NRXN3: variants seen among roughly 807,000 people sequenced by gnomAD.
NRXN3 encodes neurexin 3, also known as neurexin III.
A neutral mutation model predicts 137.6 loss-of-function variants in NRXN3; 32 were observed. That is an observed-to-expected ratio of 0.23 (90% confidence interval 0.18 to 0.31). NRXN3 has a LOEUF of 0.31. Among genes scored for constraint, NRXN3 ranks in the 10% least tolerant of loss-of-function variants. The pLI, the probability that NRXN3 is intolerant of heterozygous loss-of-function variation, is 1.00. For synonymous variants in NRXN3, 798 were observed against 784.5 expected (o/e 1.02, Z -0.29); for missense variants, 1,574 against 2,062.5 (o/e 0.76, Z 4.59).
chr14:79,453,589 A>G (rs927102015), intron 15 of NRXN3, among the ~76,000 whole-genome samples: 2 of 152,214 alleles, frequency 1.3e-5, no homozygotes, highest in East Asian at 1.9e-4. Context: ...AGTGCATTCT[A>G]TGATGATACA....
intron 15 of NRXN3, among the ~76,000 whole-genome samples, chr14:79,228,052 A>G (rs2071398402): frequency 6.6e-6 from 1 of 152,204 alleles, no homozygotes. Flanking sequence ...TGCATGTTAT[A>G]GAAAGACCTA....
chr14:78,920,222 G>C (rs777078810), intron 10 of NRXN3, among the ~76,000 whole-genome samples: 2 of 152,104 alleles, frequency 1.3e-5, no homozygotes, highest in Non-Finnish European at 2.9e-5. Flanking sequence ...CTGCCACAGT[G>C]GTAGAGGAAA....
chr14:78,702,455 T>TCTTTTTTTTTTTTTTTTTTC (rs1183210602), intron 6 of NRXN3, among the ~76,000 whole-genome samples: 1 of 134,760 alleles, frequency 7.4e-6, no homozygotes, highest in African/African-American at 2.7e-5. Context: ...TCTTTTCTTA[T>TCTTTTTTTTTTTTTTTTTTC]TTTTTTTGAG....
chr14:78,913,274 C>CTTTCTTTCTTTCTTTCTTTCT (rs1225280841), intron 10 of NRXN3, among the ~76,000 whole-genome samples: 1 of 47,852 alleles, frequency 2.1e-5, no homozygotes, highest in African/African-American at 1.0e-4. Context: ...TTCTTTCTTT[C>CTTTCTTTCTTTCTTTCTTTCT]TTTTTTTTTT....
chr14:78,729,087 A>G (rs1327188547), intron 8 of NRXN3, among the ~76,000 whole-genome samples: 3 of 152,240 alleles, frequency 2.0e-5, no homozygotes, highest in East Asian at 1.9e-4. Flanking sequence ...CAAAATGCCT[A>G]TAATTTTGTA....
At chr14:79,675,350 T>A (rs1428859727) in intron 17 of NRXN3, among the ~76,000 whole-genome samples, 1 of 152,118 alleles carries the variant, frequency 6.6e-6, no homozygotes, top group Non-Finnish European at 1.5e-5. Flanking sequence ...AGTCTGCTGT[T>A]ATAATGCAAA....
At chr14:79,156,133 A>G (rs912429251) in intron 15 of NRXN3, among the ~76,000 whole-genome samples, 7 of 151,848 alleles carry the variant, frequency 4.6e-5, no homozygotes, top group Non-Finnish European at 1.0e-4. Context: ...ATTTATTCAG[A>G]TCCCAGAAGA....
chr14:78,649,248 C>T, intron 5 of NRXN3: 1 of 1,340,370 alleles, frequency 7.5e-7, no homozygotes, highest in African/African-American at 1.5e-5. Context: ...AATTTCCTTT[C>T]TTCCCCCTTC....
chr14:78,393,884 T>C (rs2091103222), intron 4 of NRXN3, among the ~76,000 whole-genome samples: 1 of 152,050 alleles, frequency 6.6e-6, no homozygotes, highest in African/African-American at 2.4e-5. Flanking sequence ...TTTTTAATTT[T>C]GGTGGCTACT....
intron 15 of NRXN3, among the ~76,000 whole-genome samples, chr14:79,413,213 C>A (rs967790388): frequency 6.6e-6 from 1 of 152,150 alleles, no homozygotes; most frequent in African/African-American, 2.4e-5. Context: ...TCTATCAAAT[C>A]TTTGCACCTC....
chr14:79,685,921 C>T (rs2098692785), intron 17 of NRXN3, among the ~76,000 whole-genome samples: 1 of 152,118 alleles, frequency 6.6e-6, no homozygotes, highest in African/African-American at 2.4e-5. Context: ...GGGGCATGAA[C>T]ATTCGGATAG....
chr14:79,265,953 G>A (rs2078406425), intron 15 of NRXN3, among the ~76,000 whole-genome samples: 1 of 152,092 alleles, frequency 6.6e-6, no homozygotes, highest in Admixed American at 6.5e-5. Context: ...GTGGGTGGTT[G>A]GCCAAGCAAG....
At chr14:79,789,610 A>G (rs2099139262) in intron 19 of NRXN3, among the ~76,000 whole-genome samples, 2 of 152,182 alleles carry the variant, frequency 1.3e-5, no homozygotes, top group Non-Finnish European at 2.9e-5. Flanking sequence ...CTTATAGGGT[A>G]ACTACTCTTG....
At chr14:78,194,678 G>A (rs1595794461) in intron 1 of NRXN3, among the ~76,000 whole-genome samples, 1 of 152,184 alleles carries the variant, frequency 6.6e-6, no homozygotes, top group East Asian at 1.9e-4. Flanking sequence ...GGTGGGGTGA[G>A]CCAGAATGAG....
At chr14:78,987,891 T>G in intron 14 of NRXN3, 131 bp from the exon 15 acceptor site, 1 of 973,506 alleles carries the variant, frequency 1.0e-6, no homozygotes, top group East Asian at 2.7e-5. Context: ...GAGTTGACAA[T>G]TTTGGTGGTG....
chr14:78,216,472 A>T (rs1566988297), intron 1 of NRXN3, among the ~76,000 whole-genome samples: 1 of 151,976 alleles, frequency 6.6e-6, no homozygotes, highest in Non-Finnish European at 1.5e-5. Flanking sequence ...TTGTTCTACC[A>T]CTACACAACA....
chr14:79,472,589 A>C lies in NRXN3; in HGVS notation c.3444+5187A>C, dbSNP rs989330356. On this transcript the variant is annotated intron_variant, in intron 16 of 20. Coordinates refer to ENST00000335750, the MANE Select transcript of NRXN3 (RefSeq NM_001330195.2). ...ATGTGCATGAAATGAGATTCTGTAG[A>C]GCGAGGGTGTCTTAGGGTAGAGGAA... Among the ~76,000 whole-genome samples, 10 of 152,194 alleles carry C rather than the reference A, an allele frequency of 6.6e-5. 1 individual carries two copies. The highest frequency in any genetic ancestry group is 1.5e-4 in the Non-Finnish European group (10 of 68,034).
At chr14:78,288,958 C>G (rs2075486464) in intron 3 of NRXN3, among the ~76,000 whole-genome samples, 1 of 152,202 alleles carries the variant, frequency 6.6e-6, no homozygotes, top group South Asian at 2.1e-4. Flanking sequence ...TAGTGGCAAA[C>G]AGTGAGTGGG....
chr14:79,000,225 T>C (rs1014995862), intron 15 of NRXN3, among the ~76,000 whole-genome samples: 1 of 152,186 alleles, frequency 6.6e-6, no homozygotes, highest in Non-Finnish European at 1.5e-5. Context: ...TACTCAGATA[T>C]TCTTATGTGA....
Sources: gnomAD v4.1 joint callset for allele counts (sites outside exome capture counted in the v4.1 genomes callset) on GRCh38, gnomAD v4.1.1 for gene constraint, MANE v1.5 for transcripts, NCBI Gene and HGNC (gene_info 2026-07-23, HGNC 2026-07-21) for gene names.